The following GALNTL6 variants were observed in gnomAD, a reference collection of about 807,000 sequenced individuals.
The protein encoded by GALNTL6 is polypeptide N-acetylgalactosaminyltransferase-like 6.
A neutral mutation model predicts 73.7 loss-of-function variants in GALNTL6; 46 were observed. The observed-to-expected ratio is 0.62, with a 90% CI of 0.49 to 0.80. The LOEUF is 0.80. Among genes scored for constraint, GALNTL6 ranks in the 30% least tolerant of loss-of-function variants. The probability of loss-of-function intolerance (pLI) is 0.00; values close to 1 mark genes in which losing one functional copy is unlikely to be tolerated. For missense variants in GALNTL6, 604 were observed against 755.0 expected, an observed-to-expected ratio of 0.80 and a Z score of 2.34; for synonymous variants, 259 against 263.7, an observed-to-expected ratio of 0.98 and a Z score of 0.17.
chr4:172,286,524 C>T (rs878898719), intron 3 of GALNTL6, among the ~76,000 whole-genome samples: 5 of 152,190 alleles, frequency 3.3e-5, no homozygotes, highest in Admixed American at 2.6e-4. Context: ...AAGTTCAATA[C>T]AGCAAATCTT....
intron 7 of GALNTL6, among the ~76,000 whole-genome samples, chr4:172,834,041 C>G (rs1742778021): frequency 6.6e-6 from 1 of 152,188 alleles, no homozygotes; most frequent in Non-Finnish European, 1.5e-5. Context: ...TGCTTGAACC[C>G]AGGAGACGGA....
intron 11 of GALNTL6, among the ~76,000 whole-genome samples, chr4:173,012,016 G>C (rs1752574602): frequency 6.6e-6 from 1 of 152,156 alleles, no homozygotes; most frequent in South Asian, 2.1e-4. Context: ...CGATCCTCTT[G>C]CCTCAGCAGC....
chr4:172,154,875 G>A (rs1440925082), intron 2 of GALNTL6, among the ~76,000 whole-genome samples: 1 of 152,192 alleles, frequency 6.6e-6, no homozygotes. Context: ...GTGCATGGCT[G>A]TAGTCTGAAA....
chr4:172,157,420 C>T (rs1451630559), intron 2 of GALNTL6, among the ~76,000 whole-genome samples: 1 of 152,148 alleles, frequency 6.6e-6, no homozygotes, highest in Non-Finnish European at 1.5e-5. Flanking sequence ...ACTCTATCTT[C>T]CTTTTGATTT....
intron 2 of GALNTL6, among the ~76,000 whole-genome samples, chr4:172,079,097 C>G (rs1731798425): frequency 1.3e-5 from 2 of 152,150 alleles, no homozygotes; most frequent in Admixed American, 6.5e-5. Flanking sequence ...TTATCCATAT[C>G]AAAGTCCATA....
intron 7 of GALNTL6, among the ~76,000 whole-genome samples, chr4:172,835,044 A>C (rs1025626467): frequency 1.3e-5 from 2 of 152,362 alleles, no homozygotes; most frequent in Non-Finnish European, 2.9e-5. Flanking sequence ...GATGTCACCA[A>C]GAAGCAGGAG....
At chr4:172,296,711 C>A (rs1243491110) in intron 3 of GALNTL6, among the ~76,000 whole-genome samples, 1 of 152,180 alleles carries the variant, frequency 6.6e-6, no homozygotes, top group African/African-American at 2.4e-5. Context: ...TTTATGGCTG[C>A]ATAGTATTCC....
intron 11 of GALNTL6, 31 bp from the exon 12 acceptor site, chr4:173,021,445 T>G (rs373584947): frequency 5.7e-5 from 92 of 1,612,640 alleles, no homozygotes; most frequent in Admixed American, 4.3e-4. Context: ...ACAAACTCAC[T>G]GCAGCTTTTC....
intron 2 of GALNTL6, among the ~76,000 whole-genome samples, chr4:172,104,821 G>A (rs554532039): frequency 1.3e-5 from 2 of 152,230 alleles, no homozygotes; most frequent in East Asian, 1.9e-4. Flanking sequence ...ACCTTGAAAC[G>A]TAGAAAACTC....
chr4:171,910,832 A>G (rs546426546), intron 2 of GALNTL6, among the ~76,000 whole-genome samples: 6 of 152,202 alleles, frequency 3.9e-5, no homozygotes, highest in Admixed American at 1.3e-4. Flanking sequence ...GGTACTCATA[A>G]TATTTATATA....
intron 2 of GALNTL6, among the ~76,000 whole-genome samples, chr4:172,039,697 G>C (rs1742031897): frequency 6.6e-6 from 1 of 152,092 alleles, no homozygotes; most frequent in South Asian, 2.1e-4. Flanking sequence ...AAAGGGGAGT[G>C]GGGAATCTGC....
At chr4:172,633,382 T>C (rs1173178596) in intron 5 of GALNTL6, among the ~76,000 whole-genome samples, 2 of 152,194 alleles carry the variant, frequency 1.3e-5, no homozygotes, top group Non-Finnish European at 2.9e-5. Flanking sequence ...GACAATCATT[T>C]TGGAGCTTTA....
At chr4:171,906,171 C>T (rs1737269370) in intron 2 of GALNTL6, among the ~76,000 whole-genome samples, 2 of 120,438 alleles carry the variant, frequency 1.7e-5, no homozygotes, top group Non-Finnish European at 3.6e-5. Flanking sequence ...AATAGAGACA[C>T]AAAAAACCCT....
intron 10 of GALNTL6, among the ~76,000 whole-genome samples, chr4:173,008,901 C>T (rs1752416362): frequency 6.6e-6 from 1 of 152,208 alleles, no homozygotes; most frequent in Non-Finnish European, 1.5e-5. Context: ...TACAGACTTT[C>T]AGTTACAAGG....
chr4:172,949,285 C>A (rs1486831040), intron 9 of GALNTL6, among the ~76,000 whole-genome samples: 1 of 152,182 alleles, frequency 6.6e-6, no homozygotes, highest in African/African-American at 2.4e-5. Context: ...CTTCATGGCA[C>A]TTATGGTCTG....
chr4:172,751,529 C>A (rs2110782907), intron 5 of GALNTL6, among the ~76,000 whole-genome samples: 1 of 152,336 alleles, frequency 6.6e-6, no homozygotes, highest in East Asian at 1.9e-4. Flanking sequence ...TCCTTAGAAT[C>A]CTTCCATCCT....
At chr4:172,289,690 C>G (rs2111097122) in intron 3 of GALNTL6, among the ~76,000 whole-genome samples, 1 of 152,278 alleles carries the variant, frequency 6.6e-6, no homozygotes, top group African/African-American at 2.4e-5. Flanking sequence ...TCCACTGCAA[C>G]AAAGCCCATC....
intron 3 of GALNTL6, among the ~76,000 whole-genome samples, chr4:172,298,961 T>C (rs1444341782): frequency 1.3e-5 from 2 of 152,160 alleles, no homozygotes; most frequent in Non-Finnish European, 2.9e-5. Flanking sequence ...CCTCCTTGTA[T>C]CTCTGGTAGA....
intron 5 of GALNTL6, among the ~76,000 whole-genome samples, chr4:172,582,642 T>C (rs140231905): frequency 1.5e-3 from 235 of 152,298 alleles, no homozygotes; most frequent in African/African-American, 5.5e-3. Context: ...GATTTACTAC[T>C]AGTTTGTGTT....
Sources: gnomAD v4.1 joint callset for allele counts (sites outside exome capture counted in the v4.1 genomes callset) on GRCh38, gnomAD v4.1.1 for gene constraint, MANE v1.5 for transcripts, NCBI Gene and HGNC (gene_info 2026-07-23, HGNC 2026-07-21) for gene names.